DLG2: variants seen among roughly 807,000 people sequenced by gnomAD.
DLG2 encodes the protein discs large MAGUK scaffold protein 2, also known as disks large homolog 2.
DLG2 carries 45 observed loss-of-function variants against 132.5 expected under a neutral mutation model. That is an observed-to-expected ratio of 0.34 (90% confidence interval 0.27 to 0.44). DLG2 has a LOEUF of 0.44. DLG2 is among the 20% of genes least tolerant of loss of function. DLG2 has a pLI of 1.00. For missense variants in DLG2, 1,045 were observed against 1,196.9 expected (o/e 0.87, Z 1.87); for synonymous variants, 424 against 419.6 (o/e 1.01, Z -0.13).
At chr11:83,889,359 C>A (rs2068956790) in intron 15 of DLG2, among the ~76,000 whole-genome samples, 1 of 152,084 alleles carries the variant, frequency 6.6e-6, no homozygotes, top group African/African-American at 2.4e-5. Flanking sequence ...TGAAAAAATG[C>A]TCACCATCAC....
intron 7 of DLG2, among the ~76,000 whole-genome samples, chr11:84,419,966 C>T (rs2098942975): frequency 6.6e-6 from 1 of 152,140 alleles, no homozygotes; most frequent in Non-Finnish European, 1.5e-5. Context: ...AAACCTTTTC[C>T]TACACTCAGC....
At chr11:84,300,346 T>C (rs2154381215) in intron 7 of DLG2, among the ~76,000 whole-genome samples, 1 of 152,258 alleles carries the variant, frequency 6.6e-6, no homozygotes, top group South Asian at 2.1e-4. Flanking sequence ...TCTTGCTCAC[T>C]TATATCAGGG....
rs1164386994 is a variant in DLG2 at position 83,537,807 on chromosome 11, C to CAAAAAAAAAAAA, written c.2117+3863_2117+3874dup. Among the ~76,000 whole-genome samples the CAAAAAAAAAAAA allele has an allele frequency of 1.1e-4, 2 of 18,298 alleles. 1 individual carries two copies. Among genetic ancestry groups the CAAAAAAAAAAAA allele is most frequent in the Non-Finnish European group, 2.1e-4 (2 of 9,754 alleles). The allele number at this position is 18,298 out of a possible 152,430, so 12.0% of individuals were successfully genotyped here. On this transcript the variant is annotated intron_variant, in intron 20 of 27. Coordinates refer to ENST00000376104, the MANE Select transcript of DLG2 (RefSeq NM_001142699.3). ...AGGCAACGAAAGTGAGACTCTGTCT[C>CAAAAAAAAAAAA]AAAAAAAAAAAAAAAAAAAAAAAAA... is the stretch of plus-strand genomic sequence containing the variant.
intron 17 of DLG2, among the ~76,000 whole-genome samples, chr11:83,810,556 CTTTG>C (rs2047003174): frequency 6.6e-6 from 1 of 151,906 alleles, no homozygotes; most frequent in African/African-American, 2.4e-5. Flanking sequence ...ACTTTAGTTC[CTTTG>C]TTTATTAAAT....
At chr11:84,586,643 ATAT>A (rs1565378077) in intron 6 of DLG2, among the ~76,000 whole-genome samples, 3 of 152,064 alleles carry the variant, frequency 2.0e-5, no homozygotes, top group South Asian at 2.1e-4. Context: ...CTATTTTTCT[ATAT>A]TATTTTTTGT....
At chr11:84,445,622 A>G (rs977987477) in intron 7 of DLG2, among the ~76,000 whole-genome samples, 1 of 152,152 alleles carries the variant, frequency 6.6e-6, no homozygotes, top group Admixed American at 6.5e-5. Flanking sequence ...TTTATAAAAT[A>G]AGTCTCAGTC....
intron 4 of DLG2, among the ~76,000 whole-genome samples, chr11:85,276,075 G>A (rs546150879): frequency 1.3e-5 from 2 of 152,270 alleles, no homozygotes; most frequent in East Asian, 3.9e-4. Context: ...AATGTGTCAA[G>A]CTTGTATAGT....
chr11:85,386,387 G>A (rs1279525218), intron 3 of DLG2, among the ~76,000 whole-genome samples: 2 of 152,114 alleles, frequency 1.3e-5, no homozygotes, highest in African/African-American at 4.8e-5. Context: ...GACAGAACTA[G>A]GATTTGAATG....
chr11:84,620,759 A>G (rs1338274879), intron 6 of DLG2, among the ~76,000 whole-genome samples: 2 of 152,148 alleles, frequency 1.3e-5, no homozygotes, highest in East Asian at 1.9e-4. Flanking sequence ...TAGTAGGCAG[A>G]TGAATCGGCA....
At chr11:84,344,426 T>C (rs558041232) in intron 7 of DLG2, among the ~76,000 whole-genome samples, 1 of 152,318 alleles carries the variant, frequency 6.6e-6, no homozygotes, top group Admixed American at 6.5e-5. Flanking sequence ...CTATTATTGT[T>C]GTTAACTCTC....
At chr11:84,928,620 C>T (rs1165740656) in intron 6 of DLG2, among the ~76,000 whole-genome samples, 1 of 151,794 alleles carries the variant, frequency 6.6e-6, no homozygotes. Flanking sequence ...TCATCTAGAA[C>T]TTCCCTAGTA....
At chr11:85,237,240 T>G (rs2075634716) in intron 4 of DLG2, among the ~76,000 whole-genome samples, 1 of 152,024 alleles carries the variant, frequency 6.6e-6, no homozygotes, top group East Asian at 1.9e-4. Context: ...CTCTTACAAC[T>G]TCACATTATT....
intron 3 of DLG2, among the ~76,000 whole-genome samples, chr11:85,361,223 T>C (rs542538020): frequency 6.6e-6 from 1 of 152,090 alleles, no homozygotes; most frequent in Non-Finnish European, 1.5e-5. Flanking sequence ...TGGCACGATC[T>C]TGGCTCACTG....
intron 18 of DLG2, among the ~76,000 whole-genome samples, chr11:83,782,517 G>T (rs1489448634): frequency 1.3e-5 from 2 of 152,174 alleles, no homozygotes; most frequent in East Asian, 3.9e-4. Context: ...ATCAATTAAT[G>T]CTGACTAAGC....
At chr11:84,341,302 A>C (rs1350755224) in intron 7 of DLG2, among the ~76,000 whole-genome samples, 1 of 152,080 alleles carries the variant, frequency 6.6e-6, no homozygotes, top group African/African-American at 2.4e-5. Flanking sequence ...GTGAAATTCA[A>C]ATTGGTGGTG....
intron 6 of DLG2, among the ~76,000 whole-genome samples, chr11:84,752,081 T>C (rs78672001): frequency 0.075 from 11,360 of 152,208 alleles, 515 homozygotes; most frequent in Non-Finnish European, 0.11. Context: ...CACTGCCCAG[T>C]TCAGTGAAAA....
At chr11:83,506,724 C>G (rs1472103250) in intron 21 of DLG2, among the ~76,000 whole-genome samples, 1 of 152,136 alleles carries the variant, frequency 6.6e-6, no homozygotes, top group Non-Finnish European at 1.5e-5. Flanking sequence ...AAAGGTTCAT[C>G]AGAATTTACA....
At chr11:84,799,668 G>C (rs891759678) in intron 6 of DLG2, among the ~76,000 whole-genome samples, 3 of 152,074 alleles carry the variant, frequency 2.0e-5, no homozygotes, top group African/African-American at 7.2e-5. Flanking sequence ...ATAATTTTGA[G>C]ACTCTCTTCT....
chr11:84,364,528 C>T (rs183703939), intron 7 of DLG2, among the ~76,000 whole-genome samples: 7 of 152,236 alleles, frequency 4.6e-5, no homozygotes, highest in African/African-American at 1.4e-4. Flanking sequence ...ATTGCCCTAG[C>T]CAGAACTTCC....
Sources: allele counts gnomAD v4.1 joint callset (sites outside exome capture counted in the v4.1 genomes callset), GRCh38; gene constraint gnomAD v4.1.1; transcripts MANE v1.5; gene names NCBI Gene and HGNC (gene_info 2026-07-23, HGNC 2026-07-21).